Variants in GLI2 observed in about 807,000 individuals in gnomAD.
The protein encoded by GLI2 is transcription activator GLI2.
In GLI2, 22 loss-of-function variants were observed where a neutral mutation model predicts 78.9. The ratio of observed to expected loss-of-function variants is 0.28; its 90% CI spans 0.20 to 0.40. GLI2 has a LOEUF of 0.40. Ranked by LOEUF, GLI2 falls within the 10% of genes least tolerant of loss-of-function variation. The pLI, the probability that GLI2 is intolerant of heterozygous loss-of-function variation, is 1.00. For missense variants in GLI2, 2,097 were observed against 2,213.2 expected, an observed-to-expected ratio of 0.95 and a Z score of 1.05; for synonymous variants, 974 against 963.7, an observed-to-expected ratio of 1.01 and a Z score of -0.20.
intron 1 of GLI2, among the ~76,000 whole-genome samples, chr2:120,787,950 T>C (rs1684043868): frequency 6.6e-6 from 1 of 152,208 alleles, no homozygotes; most frequent in Non-Finnish European, 1.5e-5. Context: ...TGGAGGAGGA[T>C]GCCTGGATGG....
At chr2:120,966,864 C>G (rs1486672374) in intron 5 of GLI2, among the ~76,000 whole-genome samples, 1 of 152,232 alleles carries the variant, frequency 6.6e-6, no homozygotes. Context: ...ACATAAGGAA[C>G]TGCCACGTGC....
chr2:120,758,210 T>A (rs1373022249), intron 1 of GLI2, among the ~76,000 whole-genome samples: 1 of 152,196 alleles, frequency 6.6e-6, no homozygotes, highest in Non-Finnish European at 1.5e-5. Flanking sequence ...TCACAGAACA[T>A]CTGTGTGGGC....
At chr2:120,801,826 A>C (rs1358548128) in intron 2 of GLI2, among the ~76,000 whole-genome samples, 1 of 152,190 alleles carries the variant, frequency 6.6e-6, no homozygotes, top group Non-Finnish European at 1.5e-5. Flanking sequence ...CCATTTGGGC[A>C]TGGGGCTTGC....
At chr2:120,829,253 A>G (rs1410946483) in intron 2 of GLI2, among the ~76,000 whole-genome samples, 3 of 152,208 alleles carry the variant, frequency 2.0e-5, no homozygotes, top group Non-Finnish European at 4.4e-5. Flanking sequence ...ACAGAGCCCC[A>G]GGGGCAGTAT....
intron 1 of GLI2, among the ~76,000 whole-genome samples, chr2:120,749,143 C>G (rs1242397247): frequency 6.6e-6 from 1 of 152,226 alleles, no homozygotes; most frequent in Non-Finnish European, 1.5e-5. Flanking sequence ...TTGCTTATAA[C>G]ACTCATTAAT....
Position 120,978,547 on chromosome 2 carries a change from G to T in GLI2, c.1431G>T (p.Met477Ile). ...CGCAGTACATGCTGGTGGTGCACATGCGGCGACACACGGGCGAGAAGCCCC... is the reference window on the plus strand; with the variant it reads ...CGCAGTACATGCTGGTGGTGCACATTCGGCGACACACGGGCGAGAAGCCCC... ...FKAQYMLVVH[M>I]RRHTGEKPHK... is the part of the protein sequence containing the mutation. The change falls in exon 10 of 14, where the codon ATG becomes ATT. Residue 477 changes from methionine (M) to isoleucine (I), a missense_variant. Met to Ile is a conservative substitution (Grantham distance 10). Transcript: ENST00000361492. 6.2e-7 allele frequency: 1 copy of T among 1,614,064 alleles called. No homozygotes were observed. The highest frequency in any genetic ancestry group is 8.5e-7 in the Non-Finnish European group (1 of 1,180,024).
intron 3 of GLI2, among the ~76,000 whole-genome samples, chr2:120,934,659 T>A (rs553080863): frequency 6.6e-6 from 1 of 152,190 alleles, no homozygotes; most frequent in Admixed American, 6.5e-5. Flanking sequence ...TTCATCTGCA[T>A]GCTTGGTCAC....
intron 2 of GLI2, among the ~76,000 whole-genome samples, chr2:120,898,669 G>T (rs562097651): frequency 6.6e-6 from 1 of 152,288 alleles, no homozygotes; most frequent in Admixed American, 6.5e-5. Context: ...GGAGGATTCT[G>T]TTGGTTTCTA....
chr2:120,889,125 G>A (rs1677559324), intron 2 of GLI2, among the ~76,000 whole-genome samples: 1 of 152,342 alleles, frequency 6.6e-6, no homozygotes, highest in South Asian at 2.1e-4. Context: ...AAGAAGTGCG[G>A]TGGCCATAGT....
rs141383750 is a variant in GLI2 at position 120,785,944 on chromosome 2, G to A, written c.-30-11347G>A. Among the ~76,000 whole-genome samples the A allele has an allele frequency of 7.7e-4, 117 of 152,310 alleles. No individual in the cohort carries two copies. In the East Asian group the frequency reaches 0.022, roughly 28 times the overall value. On this transcript the variant is annotated intron_variant, in intron 1 of 13. Transcript: ENST00000361492. ...TGCATCATTGGCAAAGGACTGCTTGGGGGCTGAGCTGCCCGGGGGCTGGAT... is the reference window on the plus strand; with the variant it reads ...TGCATCATTGGCAAAGGACTGCTTGAGGGCTGAGCTGCCCGGGGGCTGGAT...
intron 3 of GLI2, among the ~76,000 whole-genome samples, chr2:120,930,034 C>T (rs1259594155): frequency 6.6e-6 from 1 of 152,228 alleles, no homozygotes; most frequent in Non-Finnish European, 1.5e-5. Context: ...GACACGGATC[C>T]TGGGCATAGC....
At chr2:120,885,677 A>G (rs1677361184) in intron 2 of GLI2, among the ~76,000 whole-genome samples, 1 of 152,240 alleles carries the variant, frequency 6.6e-6, no homozygotes, top group Admixed American at 6.5e-5. Context: ...GCAGGTGGGC[A>G]GAGGGACTCA....
intron 2 of GLI2, among the ~76,000 whole-genome samples, chr2:120,826,291 G>T (rs961184568): frequency 6.6e-6 from 1 of 152,226 alleles, no homozygotes; most frequent in Admixed American, 6.5e-5. Flanking sequence ...CCAGAGCCAG[G>T]TTGGGCGTGA....
intron 3 of GLI2, among the ~76,000 whole-genome samples, chr2:120,933,358 G>A (rs1680034151): frequency 6.6e-6 from 1 of 152,218 alleles, no homozygotes; most frequent in Admixed American, 6.5e-5. Flanking sequence ...GACTCCTGCT[G>A]CAGTGTCTTT....
intron 2 of GLI2, among the ~76,000 whole-genome samples, chr2:120,848,112 G>A (rs1687209340): frequency 6.6e-6 from 1 of 152,210 alleles, no homozygotes; most frequent in African/African-American, 2.4e-5. Context: ...GAGCTTGTCC[G>A]GCCCCCGCAG....
intron 1 of GLI2, among the ~76,000 whole-genome samples, chr2:120,743,515 T>C (rs1173970041): frequency 1.3e-5 from 2 of 152,260 alleles, no homozygotes; most frequent in South Asian, 2.1e-4. Context: ...GTGACCCTGG[T>C]GTAGAAAGTT....
intron 5 of GLI2, among the ~76,000 whole-genome samples, chr2:120,955,852 A>T (rs937680108): frequency 6.6e-6 from 1 of 151,944 alleles, no homozygotes; most frequent in Admixed American, 6.6e-5. Flanking sequence ...CTGGGGGGCG[A>T]GTGCTCCAGG....
intron 11 of GLI2, among the ~76,000 whole-genome samples, chr2:120,983,946 G>GGGTGTGTGTGT (rs112474343): frequency 1.1e-4 from 16 of 143,212 alleles, no homozygotes; most frequent in East Asian, 1.1e-3. Flanking sequence ...TGGTGTGTGG[G>GGGTGTGTGTGT]GTGTGTGTGT....
intron 7 of GLI2, 101 bp downstream of exon 7, chr2:120,970,707 G>C (rs1279714516): frequency 2.0e-6 from 2 of 1,014,724 alleles, no homozygotes; most frequent in Non-Finnish European, 3.0e-6. Context: ...AGGGCCTCTG[G>C]ATTTACGTCT....
Sources: allele counts gnomAD v4.1 joint callset (sites outside exome capture counted in the v4.1 genomes callset), GRCh38; gene constraint gnomAD v4.1.1; transcripts MANE v1.5; gene names NCBI Gene and HGNC (gene_info 2026-07-23, HGNC 2026-07-21).